SHANK2: variants seen among roughly 807,000 people sequenced by gnomAD.
SHANK2 encodes SH3 and multiple ankyrin repeat domains protein 2.
In SHANK2, 43 loss-of-function variants were observed where a neutral mutation model predicts 133.7. The observed-to-expected ratio is 0.32, with a 90% CI of 0.25 to 0.41. The LOEUF (loss-of-function observed/expected upper bound fraction) is 0.41, where lower values mean the gene tolerates loss of function less well. Ranked by LOEUF, SHANK2 falls within the 10% of genes least tolerant of loss-of-function variation. The pLI is 1.00. For missense variants in SHANK2, 1,994 were observed against 2,235.8 expected (o/e 0.89, Z 2.18); for synonymous variants, 1,017 against 952.8 (o/e 1.07, Z -1.24).
chr11:70,688,186 C>G (rs1488098338), intron 15 of SHANK2, among the ~76,000 whole-genome samples: 1 of 152,224 alleles, frequency 6.6e-6, no homozygotes, highest in Non-Finnish European at 1.5e-5. Context: ...CAATGCAGAA[C>G]AGTTGCTGAG....
chr11:70,719,019 G>A (rs1408986822), intron 14 of SHANK2, among the ~76,000 whole-genome samples: 4 of 152,164 alleles, frequency 2.6e-5, no homozygotes, highest in Admixed American at 1.3e-4. Context: ...TTAAAGAAGG[G>A]TGCCTGGCAT....
intron 17 of SHANK2, among the ~76,000 whole-genome samples, chr11:70,534,515 G>A (rs531294970): frequency 7.2e-5 from 11 of 152,316 alleles, no homozygotes; most frequent in Non-Finnish European, 1.3e-4. Flanking sequence ...TGGGAGGCAG[G>A]TGCTGTCCCC....
intron 11 of SHANK2, among the ~76,000 whole-genome samples, chr11:70,848,722 T>C (rs1949037763): frequency 6.6e-6 from 1 of 152,168 alleles, no homozygotes; most frequent in South Asian, 2.1e-4. Flanking sequence ...ATGGCAAGTG[T>C]GCAGTTCAGG....
At chr11:71,194,189 T>C (rs117117204) in intron 2 of SHANK2, among the ~76,000 whole-genome samples, 1,744 of 152,250 alleles carry the variant, frequency 0.011, 11 homozygotes, top group Non-Finnish European at 0.019. Flanking sequence ...GAAAGTTTTG[T>C]GTTCAAAGTG....
At chr11:70,677,745 C>A (rs1944930237) in intron 15 of SHANK2, among the ~76,000 whole-genome samples, 1 of 152,198 alleles carries the variant, frequency 6.6e-6, no homozygotes, top group South Asian at 2.1e-4. Context: ...GCCAGGCTCC[C>A]CCTGAGCCCG....
At chr11:70,550,038 G>A (rs376662471) in intron 17 of SHANK2, among the ~76,000 whole-genome samples, 9 of 152,094 alleles carry the variant, frequency 5.9e-5, no homozygotes, top group Non-Finnish European at 2.9e-5. Flanking sequence ...AAACCGCACC[G>A]GCTTGGCCAC....
chr11:70,527,917 G>A (rs905155711), intron 17 of SHANK2, among the ~76,000 whole-genome samples: 5 of 152,232 alleles, frequency 3.3e-5, no homozygotes, highest in Non-Finnish European at 7.3e-5. Context: ...CCCAGACCTT[G>A]CCAGGGACTC....
intron 9 of SHANK2, among the ~76,000 whole-genome samples, chr11:71,062,052 G>T (rs1950994673): frequency 6.8e-6 from 1 of 146,344 alleles, no homozygotes; most frequent in Non-Finnish European, 1.5e-5. Context: ...TACCTCCCAG[G>T]CCCAAGCGAT....
At chr11:70,545,734 A>G (rs145682166) in intron 17 of SHANK2, among the ~76,000 whole-genome samples, 1,728 of 152,344 alleles carry the variant, frequency 0.011, 18 homozygotes, top group Non-Finnish European at 0.016. Context: ...CAATTCTGAC[A>G]GTACCTCCCA....
intron 14 of SHANK2, among the ~76,000 whole-genome samples, chr11:70,796,067 C>T (rs1947903103): frequency 1.3e-5 from 2 of 152,200 alleles, no homozygotes; most frequent in Admixed American, 1.3e-4. Context: ...CAAACACAAA[C>T]CACCGCCCCT....
rs573740796 is a variant in SHANK2 at position 70,897,199 on chromosome 11, T to C, written c.1108-632A>G. ...GAGCAGTCAGGCAGGTAAAGCCAAGTATCCTAGGATGGCCATGGAGACCCA... is the reference window on the plus strand; with the variant it reads ...GAGCAGTCAGGCAGGTAAAGCCAAGCATCCTAGGATGGCCATGGAGACCCA... On this transcript the variant is annotated intron_variant, in intron 10 of 25. Transcript: ENST00000601538. Among the ~76,000 whole-genome samples the C allele has an allele frequency of 1.8e-4, 27 of 152,222 alleles. No homozygotes were observed. In the East Asian group the frequency reaches 4.8e-3, roughly 27 times the overall value.
intron 12 of SHANK2, among the ~76,000 whole-genome samples, chr11:70,815,373 A>T (rs1419711692): frequency 6.6e-6 from 1 of 152,122 alleles, no homozygotes; most frequent in Non-Finnish European, 1.5e-5. Flanking sequence ...TCTGTCTCAG[A>T]GGGACAGCCC....
intron 10 of SHANK2, among the ~76,000 whole-genome samples, chr11:70,897,855 A>T (rs567503632): frequency 9.4e-4 from 143 of 152,246 alleles, no homozygotes; most frequent in African/African-American, 3.3e-3. Context: ...TTAAAGCTCA[A>T]ATTTGTGTAA....
At chr11:70,885,684 C>A (rs1555073324) in intron 11 of SHANK2, among the ~76,000 whole-genome samples, 2 of 152,196 alleles carry the variant, frequency 1.3e-5, no homozygotes, top group Non-Finnish European at 2.9e-5. Flanking sequence ...GTCACTGCAG[C>A]ATCCCATCAG....
intron 7 of SHANK2, 47 bp downstream of exon 7, chr11:71,094,490 G>T: frequency 6.5e-7 from 1 of 1,526,800 alleles, no homozygotes; most frequent in Non-Finnish European, 8.8e-7. Flanking sequence ...CAGCCGCACG[G>T]AATCAGAGCA....
chr11:70,819,917 GT>G (rs1487992838), intron 12 of SHANK2, among the ~76,000 whole-genome samples: 2 of 152,144 alleles, frequency 1.3e-5, no homozygotes, highest in Non-Finnish European at 2.9e-5. Context: ...CCACCCACGT[GT>G]GCACCCTCAA....
At chr11:70,532,640 A>G (rs1034609931) in intron 17 of SHANK2, among the ~76,000 whole-genome samples, 180 of 136,892 alleles carry the variant, frequency 1.3e-3, no homozygotes, top group African/African-American at 4.5e-3. Context: ...TGTCCATGGA[A>G]AAAAAAAAAA....
Position 71,189,817 on chromosome 11 carries a change from T to C in SHANK2, c.-13+34880A>G, listed in dbSNP as rs58650965. 2.8e-3 allele frequency among the ~76,000 whole-genome samples: 428 copies of C among 152,332 alleles called. 2 individuals are homozygous for C. The highest frequency in any genetic ancestry group is 9.9e-3 in the African/African-American group (413 of 41,578). On this transcript the variant is annotated intron_variant, in intron 2 of 25. Transcript: ENST00000601538. The stretch of plus-strand genomic sequence containing the variant: ...CCTCCCAAAGCCTGTGCTGCTGCCC[T>C]TGGGGGTGAATGAACACGGGAAAGG...
chr11:70,834,679 A>G (rs1555059536), intron 11 of SHANK2, among the ~76,000 whole-genome samples: 1 of 152,260 alleles, frequency 6.6e-6, no homozygotes, highest in Non-Finnish European at 1.5e-5. Context: ...TCATGCTTTT[A>G]TAAATAACAC....
Sources: gnomAD v4.1 joint callset for allele counts (sites outside exome capture counted in the v4.1 genomes callset) on GRCh38, gnomAD v4.1.1 for gene constraint, MANE v1.5 for transcripts, NCBI Gene and HGNC (gene_info 2026-07-23, HGNC 2026-07-21) for gene names.